Variants in RASEF observed in about 807,000 individuals in gnomAD.
The protein encoded by RASEF is RAS and EF-hand domain containing, also known as ras and EF-hand domain-containing protein.
Under a neutral mutation model 90.1 loss-of-function variants are expected in RASEF, and 68 were observed. The observed-to-expected ratio is 0.75, with a 90% confidence interval of 0.62 to 0.92. The LOEUF is 0.92. Among genes scored for constraint, RASEF ranks in the 40% least tolerant of loss-of-function variants. The probability of loss-of-function intolerance (pLI) is 0.00; values close to 1 mark genes in which losing one functional copy is unlikely to be tolerated. For synonymous variants in RASEF, 331 were observed against 345.2 expected, an observed-to-expected ratio of 0.96 and a Z score of 0.46; for missense variants, 949 against 937.2, an observed-to-expected ratio of 1.01 and a Z score of -0.16.
intron 1 of RASEF, chr9:83,055,718 G>C (rs1008411865): frequency 1.7e-5 from 12 of 714,368 alleles, no homozygotes; most frequent in Non-Finnish European, 2.3e-5. Flanking sequence ...CTGTAATGCA[G>C]GTGATTTGGA....
the RASEF span, among the ~76,000 whole-genome samples, chr9:83,154,832 A>G: frequency 3.5e-4 from 54 of 152,320 alleles, 1 homozygote; most frequent in South Asian, 2.5e-3. Context: ...TGAAATAACT[A>G]ACACTTTACT....
intron 13 of RASEF, among the ~76,000 whole-genome samples, chr9:82,997,603 G>T (rs1366610707): frequency 6.6e-6 from 1 of 152,204 alleles, no homozygotes; most frequent in African/African-American, 2.4e-5. Flanking sequence ...ATACATGGGG[G>T]TCAGGAGATT....
chr9:83,188,854 C>T, the RASEF span, among the ~76,000 whole-genome samples: 2 of 152,174 alleles, frequency 1.3e-5, no homozygotes, highest in Non-Finnish European at 2.9e-5. Flanking sequence ...TAGTCAACCA[C>T]AGCTCAAGGT....
At chr9:83,138,770 T>C in the RASEF span, among the ~76,000 whole-genome samples, 3 of 152,170 alleles carry the variant, frequency 2.0e-5, no homozygotes, top group Admixed American at 2.0e-4. Context: ...ATTTTTAAGA[T>C]GTCACCTGCT....
chr9:83,121,932 C>T, the RASEF span, among the ~76,000 whole-genome samples: 2 of 152,164 alleles, frequency 1.3e-5, no homozygotes, highest in Non-Finnish European at 2.9e-5. Context: ...CCCAAGTTTT[C>T]TCATTGTAAA....
At chr9:83,144,326 G>GAAAGGAAAGAAA in the RASEF span, among the ~76,000 whole-genome samples, 86 of 39,488 alleles carry the variant, frequency 2.2e-3, 4 homozygotes, top group African/African-American at 3.0e-3. Flanking sequence ...AAAGAAAGAA[G>GAAAGGAAAGAAA]GAAAGAAAGA....
chr9:83,027,454 C>G lies in RASEF; in HGVS notation c.432-1533G>C, dbSNP rs536887905. On this transcript the variant is annotated intron_variant, in intron 1 of 16. Transcript: ENST00000376447. ...AGCTACCAGCCTTCTCACTACCATACAAAAGACACTCATCATTCTGGAGAT... is the reference window on the plus strand; with the variant it reads ...AGCTACCAGCCTTCTCACTACCATAGAAAAGACACTCATCATTCTGGAGAT... Among the ~76,000 whole-genome samples, 8 of 152,288 alleles carry G rather than the reference C, an allele frequency of 5.3e-5. No individual in the cohort carries two copies. In the South Asian group the frequency reaches 1.5e-3, roughly 28 times the overall value.
At chr9:83,217,619 A>G in the RASEF span, among the ~76,000 whole-genome samples, 3 of 152,152 alleles carry the variant, frequency 2.0e-5, no homozygotes, top group African/African-American at 4.8e-5. Context: ...CATGTAAGAC[A>G]TGCCTTTGCT....
At chr9:83,034,417 G>C (rs965770525) in intron 1 of RASEF, among the ~76,000 whole-genome samples, 1 of 152,084 alleles carries the variant, frequency 6.6e-6, no homozygotes, top group Non-Finnish European at 1.5e-5. Flanking sequence ...ATCTCCTGCA[G>C]GTAAAATTCT....
At chr9:83,001,929 G>A (rs1829047697) in intron 9 of RASEF, among the ~76,000 whole-genome samples, 3 of 152,170 alleles carry the variant, frequency 2.0e-5, no homozygotes, top group Admixed American at 2.0e-4. Flanking sequence ...CTCAGATAAA[G>A]GCTGGAACTC....
the RASEF span, among the ~76,000 whole-genome samples, chr9:83,126,252 A>C: frequency 6.6e-6 from 1 of 152,084 alleles, no homozygotes; most frequent in Non-Finnish European, 1.5e-5. Flanking sequence ...AGTCCTTATG[A>C]TAGGATTAGT....
the RASEF span, among the ~76,000 whole-genome samples, chr9:83,202,843 C>T: frequency 3.7e-4 from 56 of 152,218 alleles, 1 homozygote; most frequent in South Asian, 0.011. Flanking sequence ...GTATGTGAGG[C>T]ACTACATATG....
At chr9:83,128,760 G>A in the RASEF span, among the ~76,000 whole-genome samples, 1 of 152,152 alleles carries the variant, frequency 6.6e-6, no homozygotes, top group East Asian at 1.9e-4. Flanking sequence ...GGCACAACCA[G>A]CCCAGCCACC....
At chr9:83,136,196 T>C in the RASEF span, among the ~76,000 whole-genome samples, 1 of 152,114 alleles carries the variant, frequency 6.6e-6, no homozygotes, top group Non-Finnish European at 1.5e-5. Flanking sequence ...TATGAACTTA[T>C]AGAATTCTTT....
At chr9:83,186,324 T>C in the RASEF span, among the ~76,000 whole-genome samples, 3 of 152,174 alleles carry the variant, frequency 2.0e-5, no homozygotes, top group South Asian at 2.1e-4. Flanking sequence ...ACCCAGTCCC[T>C]TGTTAGAAAT....
intron 1 of RASEF, chr9:83,048,827 C>T (rs1422810600): frequency 2.2e-6 from 2 of 907,148 alleles, no homozygotes; most frequent in African/African-American, 3.6e-5. Flanking sequence ...ACATGTAGAC[C>T]TTATTAAAGA....
At chr9:83,076,214 T>G in the RASEF span, among the ~76,000 whole-genome samples, 829 of 152,032 alleles carry the variant, frequency 5.5e-3, 5 homozygotes, top group African/African-American at 0.019. Flanking sequence ...TGGAAAGCAT[T>G]ATATGATTCA....
the RASEF span, among the ~76,000 whole-genome samples, chr9:83,083,205 C>A: frequency 6.6e-6 from 1 of 152,150 alleles, no homozygotes; most frequent in Non-Finnish European, 1.5e-5. Flanking sequence ...AGGGGTTTGT[C>A]TGTGACTCTC....
chr9:83,097,826 C>T, the RASEF span, among the ~76,000 whole-genome samples: 5 of 152,122 alleles, frequency 3.3e-5, no homozygotes, highest in Non-Finnish European at 7.4e-5. Context: ...GAATTAGCAT[C>T]GTCATCATCA....
Sources: gnomAD v4.1 joint callset for allele counts (sites outside exome capture counted in the v4.1 genomes callset) on GRCh38, gnomAD v4.1.1 for gene constraint, MANE v1.5 for transcripts, NCBI Gene and HGNC (gene_info 2026-07-23, HGNC 2026-07-21) for gene names.